The following PLSCR4 variants were observed in gnomAD, a reference collection of about 807,000 sequenced individuals.
PLSCR4 encodes the protein phospholipid scramblase 4.
PLSCR4 carries 25 observed loss-of-function variants against 36.3 expected under a neutral mutation model. The observed-to-expected ratio is 0.69, with a 90% CI of 0.50 to 0.96. The LOEUF (loss-of-function observed/expected upper bound fraction) is 0.96. Among genes scored for constraint, PLSCR4 ranks in the 40% least tolerant of loss-of-function variants. The pLI, the probability that PLSCR4 is intolerant of heterozygous loss-of-function variation, is 0.00. For missense variants in PLSCR4, 408 were observed against 414.7 expected (o/e 0.98, Z 0.14); for synonymous variants, 122 against 132.9 (o/e 0.92, Z 0.56).
chr3:146,208,330 G>A (rs1437438621), intron 3 of PLSCR4, among the ~76,000 whole-genome samples: 1 of 152,054 alleles, frequency 6.6e-6, no homozygotes, highest in African/African-American at 2.4e-5. Context: ...AAAAATTCTA[G>A]AAGATAATAT....
intron 1 of PLSCR4, among the ~76,000 whole-genome samples, chr3:146,224,118 A>G (rs1248738171): frequency 6.6e-6 from 1 of 152,034 alleles, no homozygotes; most frequent in Non-Finnish European, 1.5e-5. Context: ...AGACACTCCT[A>G]GTTATGTACC....
intron 3 of PLSCR4, among the ~76,000 whole-genome samples, chr3:146,211,826 A>C (rs1022701402): frequency 6.6e-6 from 1 of 152,062 alleles, no homozygotes; most frequent in African/African-American, 2.4e-5. Context: ...TCCCTATTGA[A>C]TTATTTTGAC....
At chr3:146,196,334 G>A (rs1576444369) in intron 7 of PLSCR4, 2 of 283,256 alleles carry the variant, frequency 7.1e-6, no homozygotes, top group East Asian at 1.5e-4. Flanking sequence ...ATTACATATA[G>A]CCAACAATAG....
chr3:146,220,521 C>T (rs1442136995), intron 3 of PLSCR4, among the ~76,000 whole-genome samples: 1 of 152,118 alleles, frequency 6.6e-6, no homozygotes, highest in Non-Finnish European at 1.5e-5. Flanking sequence ...TCCTCAAATC[C>T]CTGGCAATGT....
intron 1 of PLSCR4, among the ~76,000 whole-genome samples, chr3:146,238,985 T>G (rs1336017356): frequency 1.3e-5 from 2 of 152,116 alleles, no homozygotes; most frequent in Non-Finnish European, 2.9e-5. Context: ...ATGCAGGAAA[T>G]CAATTACATT....
intron 4 of PLSCR4, among the ~76,000 whole-genome samples, chr3:146,205,601 A>G (rs1016221588): frequency 6.6e-6 from 1 of 152,070 alleles, no homozygotes; most frequent in East Asian, 1.9e-4. Context: ...CTGGGTCTGT[A>G]TACTATGGAT....
At chr3:146,232,058 A>G (rs1013624144) in intron 1 of PLSCR4, among the ~76,000 whole-genome samples, 3 of 152,122 alleles carry the variant, frequency 2.0e-5, no homozygotes, top group Non-Finnish European at 2.9e-5. Context: ...GTGTACAGTT[A>G]CAGTCTTCTG....
At chr3:146,224,282 G>A (rs770894360) in intron 1 of PLSCR4, among the ~76,000 whole-genome samples, 25 of 152,292 alleles carry the variant, frequency 1.6e-4, no homozygotes, top group Non-Finnish European at 2.9e-4. Context: ...ATAATATCCT[G>A]TAGTGAAAAC....
chr3:146,240,038 T>C (rs994895845), intron 1 of PLSCR4, among the ~76,000 whole-genome samples: 5 of 152,048 alleles, frequency 3.3e-5, no homozygotes, highest in African/African-American at 4.8e-5. Context: ...AATAAATAAA[T>C]TGGACTCATA....
intron 1 of PLSCR4, among the ~76,000 whole-genome samples, chr3:146,235,657 T>C (rs543160506): frequency 6.6e-6 from 1 of 152,166 alleles, no homozygotes; most frequent in Non-Finnish European, 1.5e-5. Flanking sequence ...AGGCAGAGGT[T>C]GAAACAGCTT....
chr3:146,214,743 T>C (rs914689713), intron 3 of PLSCR4, among the ~76,000 whole-genome samples: 2 of 152,166 alleles, frequency 1.3e-5, no homozygotes, highest in African/African-American at 2.4e-5. Flanking sequence ...GAGTGTTCTA[T>C]TATGCTATTA....
intron 2 of PLSCR4, among the ~76,000 whole-genome samples, chr3:146,221,402 C>T (rs914649271): frequency 6.6e-6 from 1 of 152,164 alleles, no homozygotes; most frequent in African/African-American, 2.4e-5. Context: ...GTGTCACACA[C>T]AACTGAATTA....
chr3:146,196,561 A>G, intron 7 of PLSCR4, 71 bp downstream of exon 7: 2 of 1,451,428 alleles, frequency 1.4e-6, no homozygotes, highest in South Asian at 1.2e-5. Context: ...AATGTCTACA[A>G]CCAGATCTTT....
chr3:146,192,501 A>G lies in PLSCR4; in HGVS notation c.*1910T>C, dbSNP rs1331229074. On this transcript the variant is annotated 3_prime_UTR_variant, in exon 9 of 9. Coordinates refer to ENST00000354952, the MANE Select transcript of PLSCR4 (RefSeq NM_020353.3). ...ATGTGAATTGTATTAAAACTATGAC[A>G]TATGACAATATTATATAAAGAAAAT... 4 of 151,596 alleles carry G rather than the reference A, an allele frequency of 2.6e-5. No homozygotes were observed. The East Asian group carries it at 7.7e-4, about 29-fold the overall frequency. The allele number at this position is 151,596 out of a possible 1,614,324, so 9.4% of individuals were successfully genotyped here. A position where few individuals can be genotyped will look rare whatever the true frequency, so the allele number is the denominator to read the frequency against.
At chr3:146,247,207 AT>A (rs1290138377) in intron 1 of PLSCR4, among the ~76,000 whole-genome samples, 1 of 152,186 alleles carries the variant, frequency 6.6e-6, no homozygotes, top group Non-Finnish European at 1.5e-5. Context: ...GCTGAAAAAA[AT>A]ATTTTCTTCC....
Position 146,193,846 on chromosome 3 carries a change from C to T in PLSCR4, c.*565G>A, listed in dbSNP as rs1295033835. The T allele has an allele frequency of 1.3e-5, 2 of 152,190 alleles. No individual in the cohort carries two copies. The highest frequency in any genetic ancestry group is 2.9e-5 in the Non-Finnish European group (2 of 68,028). The allele number at this position is 152,190 out of a possible 1,614,324, so 9.4% of individuals were successfully genotyped here. A position where few individuals can be genotyped will look rare whatever the true frequency, so the allele number is the denominator to read the frequency against. The stretch of plus-strand genomic sequence containing the variant: ...AAATCAAATTTCCCATTGAAACCTT[C>T]AAAAACTTTGCAGAATGAGGTTTTG... On this transcript the variant is annotated 3_prime_UTR_variant, in exon 9 of 9. Coordinates refer to ENST00000354952, the MANE Select transcript of PLSCR4 (RefSeq NM_020353.3).
chr3:146,242,722 G>C (rs999356201), intron 1 of PLSCR4, among the ~76,000 whole-genome samples: 1 of 152,120 alleles, frequency 6.6e-6, no homozygotes, highest in African/African-American at 2.4e-5. Flanking sequence ...TGTGCTTTTC[G>C]AGACGAATGG....
chr3:146,224,776 T>A (rs568457614), intron 1 of PLSCR4, among the ~76,000 whole-genome samples: 26 of 152,110 alleles, frequency 1.7e-4, no homozygotes, highest in African/African-American at 5.5e-4. Flanking sequence ...GAGTGGCCTG[T>A]TTTGACAGGG....
At chr3:146,210,847 G>GT (rs33931243) in intron 3 of PLSCR4, among the ~76,000 whole-genome samples, 2,780 of 147,960 alleles carry the variant, frequency 0.019, 74 homozygotes, top group African/African-American at 0.064. Context: ...CTTTATGTCT[G>GT]TTTTTTTTTT....
Sources: gnomAD v4.1 joint callset for allele counts (sites outside exome capture counted in the v4.1 genomes callset) on GRCh38, gnomAD v4.1.1 for gene constraint, MANE v1.5 for transcripts, NCBI Gene and HGNC (gene_info 2026-07-23, HGNC 2026-07-21) for gene names.